The following PDZD9 variants were observed in gnomAD, a reference collection of about 807,000 sequenced individuals.
PDZD9 encodes PDZ domain containing 9.
PDZD9 carries 13 observed loss-of-function variants against 16.3 expected under a neutral mutation model. That is an observed-to-expected ratio of 0.80 (90% CI 0.52 to 1.27). The LOEUF (loss-of-function observed/expected upper bound fraction) is 1.27, where lower values mean the gene tolerates loss of function less well. PDZD9 is among the 50% of genes most tolerant of loss of function. The pLI is 0.00. For missense variants in PDZD9, 288 were observed against 310.9 expected (o/e 0.93, Z 0.55); for synonymous variants, 120 against 111.0 (o/e 1.08, Z -0.51).
intron 3 of PDZD9, among the ~76,000 whole-genome samples, chr16:21,987,782 A>G (rs1377970655): frequency 6.6e-6 from 1 of 152,100 alleles, no homozygotes; most frequent in Non-Finnish European, 1.5e-5. Context: ...GTGTCTGGGA[A>G]GTGGCGTCTT....
At chr16:21,977,141 G>T in the PDZD9 span, among the ~76,000 whole-genome samples, 1 of 152,032 alleles carries the variant, frequency 6.6e-6, no homozygotes, top group Non-Finnish European at 1.5e-5. Flanking sequence ...ATCACTTGAG[G>T]CCAGGAGTTC....
chr16:21,975,497 A>G, the PDZD9 span, among the ~76,000 whole-genome samples: 2 of 152,112 alleles, frequency 1.3e-5, no homozygotes, highest in African/African-American at 4.8e-5. Context: ...TAAGTAGCAG[A>G]CCCAGCCAGC....
At chr16:21,985,413 A>G (rs1209880598) in intron 3 of PDZD9, among the ~76,000 whole-genome samples, 1 of 152,174 alleles carries the variant, frequency 6.6e-6, no homozygotes, top group Non-Finnish European at 1.5e-5. Flanking sequence ...CTAGGATTAC[A>G]GGCATGAGCC....
At chr16:21,970,938 T>C in the PDZD9 span, among the ~76,000 whole-genome samples, 1 of 152,146 alleles carries the variant, frequency 6.6e-6, no homozygotes, top group African/African-American at 2.4e-5. Context: ...GTTTTTTTTT[T>C]TAATTGTTGA....
At position 21,989,007 on chromosome 16, in the gene PDZD9, C is replaced by T. The variant is rs1898958051; in HGVS notation, c.212-216G>A. 2.0e-5 allele frequency among the ~76,000 whole-genome samples: 3 copies of T among 149,326 alleles called. No homozygotes were observed. The South Asian group carries it at 6.3e-4, about 31-fold the overall frequency. ...GCAGTGGCATGATCTCAGCTCACTGCAAGCTCCGCCTCCCAGGTTCAAGTG... is the reference window on the plus strand; with the variant it reads ...GCAGTGGCATGATCTCAGCTCACTGTAAGCTCCGCCTCCCAGGTTCAAGTG... On this transcript the variant is annotated intron_variant, in intron 2 of 3. Coordinates refer to ENST00000424898, the MANE Select transcript of PDZD9 (RefSeq NM_001363519.1).
In PDZD9 at chr16:21,996,396, T is replaced by C; in HGVS notation, c.137A>G (p.Gln46Arg). ...GSLGLGLIII[Q>R]HGPYLQITHL... Reference sequence around the variant, plus strand: ...GGTGATCTGGAGGTAGGGTCCATGCTGGATGATGATGAGGCCTAATCCCAG... The same window carrying C: ...GGTGATCTGGAGGTAGGGTCCATGCCGGATGATGATGAGGCCTAATCCCAG... The change falls in exon 2 of 4, where the codon CAG (glutamine) becomes CGG (arginine). Residue 46 changes from glutamine (Q) to arginine (R), a missense_variant. Gln to Arg is a conservative substitution (Grantham distance 43). Transcript: ENST00000424898. The C allele has an allele frequency of 6.5e-7, 1 of 1,536,084 alleles. No individual in the cohort carries two copies. The highest frequency in any genetic ancestry group is 2.4e-5 in the East Asian group (1 of 40,922).
At chr16:21,998,181 C>T (rs1420976296) in intron 1 of PDZD9, 1 of 152,232 alleles carries the variant, frequency 6.6e-6, no homozygotes, top group African/African-American at 2.4e-5. Context: ...ACATCTTGGG[C>T]AAGGTCCAGT....
chr16:21,979,236 C>G (rs930997270), downstream of PDZD9, among the ~76,000 whole-genome samples: 1 of 152,210 alleles, frequency 6.6e-6, no homozygotes, highest in Non-Finnish European at 1.5e-5. Flanking sequence ...GGTCTTCACA[C>G]TGTAGCAGCC....
the PDZD9 span, among the ~76,000 whole-genome samples, chr16:21,977,967 CATG>C: frequency 6.6e-6 from 1 of 152,108 alleles, no homozygotes; most frequent in Non-Finnish European, 1.5e-5. Context: ...AGAAACAAAA[CATG>C]ATGAGAATAC....
At chr16:21,958,489 C>G in the PDZD9 span, 2 of 1,568,936 alleles carry the variant, frequency 1.3e-6, no homozygotes, top group Non-Finnish European at 1.8e-6. Flanking sequence ...GTTTGGCAAA[C>G]TTGGCATTGA....
the PDZD9 span, chr16:21,965,397 T>C: frequency 6.2e-7 from 1 of 1,613,210 alleles, no homozygotes; most frequent in Non-Finnish European, 8.5e-7. Context: ...GCTTCTTCAC[T>C]TATCTCACAG....
chr16:21,964,359 C>T, the PDZD9 span, among the ~76,000 whole-genome samples: 2 of 152,082 alleles, frequency 1.3e-5, no homozygotes, highest in Non-Finnish European at 2.9e-5. Flanking sequence ...TCCAGGTTTA[C>T]GTCTTGAGTC....
chr16:21,995,640 C>T (rs1171036669), intron 2 of PDZD9, among the ~76,000 whole-genome samples: 1 of 152,152 alleles, frequency 6.6e-6, no homozygotes, highest in Non-Finnish European at 1.5e-5. Context: ...CTCTGTCACC[C>T]AGGCTGGAGT....
At chr16:21,998,453 T>C (rs1899204419) in intron 1 of PDZD9, 1 of 152,526 alleles carries the variant, frequency 6.6e-6, no homozygotes, top group Non-Finnish European at 1.5e-5. Context: ...ATCCCAGCAC[T>C]TTAGGAGGCC....
the PDZD9 span, chr16:21,976,153 CTTATCTGTCCTAGG>C: frequency 6.2e-7 from 1 of 1,610,818 alleles, no homozygotes; most frequent in East Asian, 2.2e-5. Context: ...ACCAACTTTT[CTTATCTGTCCTAGG>C]TTATCAAGGC....
the PDZD9 span, among the ~76,000 whole-genome samples, chr16:21,964,614 T>C: frequency 6.6e-6 from 1 of 152,186 alleles, no homozygotes; most frequent in Non-Finnish European, 1.5e-5. Flanking sequence ...TGTTCCCAAA[T>C]GATTTCCCCT....
At chr16:21,971,389 A>G in the PDZD9 span, 1 of 677,790 alleles carries the variant, frequency 1.5e-6, no homozygotes, top group African/African-American at 1.8e-5. Context: ...GGAGAGTGGC[A>G]TTATGGCAGG....
chr16:21,981,931 C>T (rs1037460737), downstream of PDZD9, among the ~76,000 whole-genome samples: 1 of 150,972 alleles, frequency 6.6e-6, no homozygotes, highest in Non-Finnish European at 1.5e-5. Flanking sequence ...ACCTCCGCCT[C>T]CCGGGTTCAC....
chr16:21,987,966 T>A (rs1352863980), intron 3 of PDZD9, among the ~76,000 whole-genome samples: 1 of 151,364 alleles, frequency 6.6e-6, no homozygotes, highest in African/African-American at 2.4e-5. Context: ...GAACAAAAAG[T>A]TGAATACGGA....
Sources: gnomAD v4.1 joint callset for allele counts (sites outside exome capture counted in the v4.1 genomes callset) on GRCh38, gnomAD v4.1.1 for gene constraint, MANE v1.5 for transcripts, NCBI Gene and HGNC (gene_info 2026-07-23, HGNC 2026-07-21) for gene names.